The following TMCC1 variants were observed in gnomAD, a reference collection of about 807,000 sequenced individuals.
TMCC1 encodes transmembrane and coiled-coil domain family 1.
TMCC1 carries 15 observed loss-of-function variants against 52.4 expected under a neutral mutation model. The observed-to-expected ratio is 0.29, with a 90% confidence interval of 0.19 to 0.44. TMCC1 has a LOEUF of 0.44. Among genes scored for constraint, TMCC1 ranks in the 20% least tolerant of loss-of-function variants. TMCC1 has a pLI of 1.00. For missense variants in TMCC1, 503 were observed against 806.0 expected (o/e 0.62, Z 4.55); for synonymous variants, 279 against 301.9 (o/e 0.92, Z 0.79).
chr3:129,689,209 T>C (rs190596808), intron 4 of TMCC1, among the ~76,000 whole-genome samples: 3 of 152,242 alleles, frequency 2.0e-5, no homozygotes, highest in Admixed American at 6.5e-5. Flanking sequence ...AAGCAAGAGA[T>C]TAAAACATCA....
At chr3:129,858,431 C>T (rs2060241202) in intron 2 of TMCC1, among the ~76,000 whole-genome samples, 1 of 152,244 alleles carries the variant, frequency 6.6e-6, no homozygotes, top group South Asian at 2.1e-4. Context: ...AGTGCACTGG[C>T]ACAATCTCAG....
chr3:129,889,341 T>G (rs759164955), intron 1 of TMCC1, among the ~76,000 whole-genome samples: 15 of 152,068 alleles, frequency 9.9e-5, no homozygotes, highest in Non-Finnish European at 1.5e-4. Flanking sequence ...ACAGGGAAAG[T>G]CTGAGAAATT....
At chr3:129,735,803 A>T (rs2050910749) in intron 4 of TMCC1, among the ~76,000 whole-genome samples, 1 of 152,226 alleles carries the variant, frequency 6.6e-6, no homozygotes, top group Non-Finnish European at 1.5e-5. Context: ...AGCAGCCTCT[A>T]TGAGCTCTCT....
chr3:129,844,255 T>C (rs1266153535), intron 2 of TMCC1, among the ~76,000 whole-genome samples: 1 of 152,082 alleles, frequency 6.6e-6, no homozygotes. Flanking sequence ...CTACAAAATC[T>C]AGTAATGTAT....
At chr3:129,792,023 A>G (rs1422011297) in intron 4 of TMCC1, among the ~76,000 whole-genome samples, 1 of 152,162 alleles carries the variant, frequency 6.6e-6, no homozygotes, top group Non-Finnish European at 1.5e-5. Context: ...AAAGAAATTT[A>G]AAGATGGTCA....
chr3:129,698,576 C>G (rs2047583472), intron 4 of TMCC1, among the ~76,000 whole-genome samples: 1 of 152,198 alleles, frequency 6.6e-6, no homozygotes, highest in Non-Finnish European at 1.5e-5. Context: ...CTAAAATTCT[C>G]TGTGTGCTCA....
intron 4 of TMCC1, among the ~76,000 whole-genome samples, chr3:129,748,212 T>C (rs575272159): frequency 1.1e-4 from 17 of 152,308 alleles, no homozygotes; most frequent in African/African-American, 3.8e-4. Flanking sequence ...TAAACAGCCA[T>C]GTCATCATGC....
intron 4 of TMCC1, among the ~76,000 whole-genome samples, chr3:129,713,764 T>C (rs2048871535): frequency 6.6e-6 from 1 of 151,070 alleles, no homozygotes; most frequent in South Asian, 2.1e-4. Flanking sequence ...TTCTAGAAAT[T>C]AAAAGAATTA....
intron 4 of TMCC1, among the ~76,000 whole-genome samples, chr3:129,727,644 TC>T (rs555068821): frequency 9.8e-4 from 149 of 152,308 alleles, no homozygotes; most frequent in African/African-American, 3.3e-3. Context: ...ATATAGGTAG[TC>T]CTGAAGGTCT....
rs370431347 is a variant in TMCC1 at position 129,875,490 on chromosome 3, C to CAA, written c.-184+4817_-184+4818dup. Among the ~76,000 whole-genome samples, 128 of 17,266 alleles carry CAA rather than the reference C, an allele frequency of 7.4e-3. 10 individuals carry two copies. The highest frequency in any genetic ancestry group is 0.017 in the East Asian group (13 of 764). The allele number at this position is 17,266 out of a possible 152,430, so 11.3% of individuals were successfully genotyped here. A position where few individuals can be genotyped will look rare whatever the true frequency, so the allele number is the denominator to read the frequency against. On this transcript the variant is annotated intron_variant, in intron 2 of 6. Coordinates refer to ENST00000393238, the MANE Select transcript of TMCC1 (RefSeq NM_001017395.5). ...TAGGGGACAGAGGAGGACTCCATCT[C>CAA]AAAAAAAAAAAAAAAAAAAAAAAAA... is the stretch of plus-strand genomic sequence containing the variant.
intron 4 of TMCC1, among the ~76,000 whole-genome samples, chr3:129,800,195 A>T (rs1211230550): frequency 6.6e-6 from 1 of 152,190 alleles, no homozygotes; most frequent in East Asian, 1.9e-4. Flanking sequence ...ATTACTTTAT[A>T]GTATATGCCA....
At chr3:129,750,256 T>A (rs1178642796) in intron 4 of TMCC1, among the ~76,000 whole-genome samples, 1 of 152,158 alleles carries the variant, frequency 6.6e-6, no homozygotes, top group Non-Finnish European at 1.5e-5. Context: ...AGTGGCGTGA[T>A]CTTGGTTCAC....
At chr3:129,808,805 CAGAA>C (rs1235289960) in intron 4 of TMCC1, among the ~76,000 whole-genome samples, 3 of 127,804 alleles carry the variant, frequency 2.3e-5, no homozygotes, top group Non-Finnish European at 3.4e-5. Flanking sequence ...ATATCCAAAA[CAGAA>C]AAAAAAATAG....
intron 4 of TMCC1, among the ~76,000 whole-genome samples, chr3:129,718,687 C>T (rs1319655947): frequency 6.6e-6 from 1 of 152,188 alleles, no homozygotes; most frequent in Non-Finnish European, 1.5e-5. Flanking sequence ...TATGTAAATA[C>T]AGTACTGTAA....
intron 1 of TMCC1, among the ~76,000 whole-genome samples, chr3:129,888,132 C>T (rs1365800975): frequency 1.3e-5 from 2 of 152,148 alleles, no homozygotes; most frequent in African/African-American, 2.4e-5. Flanking sequence ...AACCACTATA[C>T]GTGTATGCTG....
At chr3:129,836,685 G>A (rs569341452) in intron 2 of TMCC1, among the ~76,000 whole-genome samples, 3 of 152,214 alleles carry the variant, frequency 2.0e-5, no homozygotes, top group African/African-American at 7.2e-5. Context: ...CCAAGAGCAT[G>A]GAAGAATCCC....
chr3:129,735,901 C>A (rs150147345), intron 4 of TMCC1, among the ~76,000 whole-genome samples: 7 of 152,202 alleles, frequency 4.6e-5, no homozygotes, highest in Non-Finnish European at 8.8e-5. Context: ...TTCAAAGCTG[C>A]GAACATGGTA....
chr3:129,659,080 C>CT (rs1297008328), intron 5 of TMCC1, among the ~76,000 whole-genome samples: 1 of 149,070 alleles, frequency 6.7e-6, no homozygotes, highest in East Asian at 2.0e-4. Context: ...ACCTGTTTTC[C>CT]TTTTTCTTTC....
chr3:129,682,929 G>C (rs952551815), intron 4 of TMCC1, among the ~76,000 whole-genome samples: 2 of 152,174 alleles, frequency 1.3e-5, no homozygotes, highest in African/African-American at 4.8e-5. Context: ...TCCGCCTCCC[G>C]GGTTCAACTG....
Sources: allele counts gnomAD v4.1 joint callset (sites outside exome capture counted in the v4.1 genomes callset), GRCh38; gene constraint gnomAD v4.1.1; transcripts MANE v1.5; gene names NCBI Gene and HGNC (gene_info 2026-07-23, HGNC 2026-07-21).